Variants in PDE4D observed in about 807,000 individuals in gnomAD.
PDE4D encodes the protein phosphodiesterase 4D, also known as 3',5'-cyclic-AMP phosphodiesterase 4D.
Under a neutral mutation model 87.4 loss-of-function variants are expected in PDE4D, and 24 were observed. The observed-to-expected ratio is 0.27, with a 90% CI of 0.20 to 0.39. PDE4D has a LOEUF of 0.39. Among genes scored for constraint, PDE4D ranks in the 10% least tolerant of loss-of-function variants. PDE4D has a pLI of 1.00. For missense variants in PDE4D, 714 were observed against 1,041.0 expected, an observed-to-expected ratio of 0.69 and a Z score of 4.32; for synonymous variants, 384 against 383.2, an observed-to-expected ratio of 1.00 and a Z score of -0.02.
intron 1 of PDE4D, among the ~76,000 whole-genome samples, chr5:60,231,976 C>T (rs1331129116): frequency 3.3e-5 from 5 of 151,824 alleles, no homozygotes; most frequent in South Asian, 4.1e-4. Flanking sequence ...GGAGGGGGAC[C>T]GCCTTAGTCA....
At chr5:59,172,342 T>C (rs1783132759) in intron 5 of PDE4D, among the ~76,000 whole-genome samples, 1 of 134,140 alleles carries the variant, frequency 7.5e-6, no homozygotes, top group African/African-American at 2.8e-5. Flanking sequence ...TAATATATTA[T>C]ATATTATATA....
At chr5:60,109,625 T>C (rs1777454420) in intron 2 of PDE4D, among the ~76,000 whole-genome samples, 1 of 152,068 alleles carries the variant, frequency 6.6e-6, no homozygotes, top group African/African-American at 2.4e-5. Context: ...TGTCCAACAA[T>C]GATAGACTGG....
At position 59,534,541 on chromosome 5, in the gene PDE4D, T is replaced by G. The variant is rs146220936; in HGVS notation, c.456-318573A>C. On this transcript the variant is annotated intron_variant, in intron 1 of 14. Transcript: ENST00000340635. Reference sequence around the variant, plus strand: ...CTGGGTCTCAGGTGAGTGTCCAGGGTATACAGAATGGGGTTGAAGACTCTT... The same window carrying G: ...CTGGGTCTCAGGTGAGTGTCCAGGGGATACAGAATGGGGTTGAAGACTCTT... Among the ~76,000 whole-genome samples the G allele has an allele frequency of 4.9e-3, 752 of 152,178 alleles. 5 individuals are homozygous for G. Among genetic ancestry groups the G allele is most frequent in the African/African-American group, 0.017 (691 of 41,522 alleles).
intron 1 of PDE4D, among the ~76,000 whole-genome samples, chr5:60,519,804 C>A (rs982210443): frequency 6.6e-6 from 1 of 152,018 alleles, no homozygotes; most frequent in African/African-American, 2.4e-5. Flanking sequence ...TAGTTTCCTC[C>A]AACTTTTAAT....
At chr5:60,193,780 T>A (rs910362059) in intron 1 of PDE4D, among the ~76,000 whole-genome samples, 4 of 151,458 alleles carry the variant, frequency 2.6e-5, no homozygotes, top group Non-Finnish European at 5.9e-5. Flanking sequence ...TAGGGCTCTT[T>A]ACCTAGGTTT....
chr5:59,391,469 T>A (rs1414576262), intron 1 of PDE4D, among the ~76,000 whole-genome samples: 1 of 152,126 alleles, frequency 6.6e-6, no homozygotes, highest in Non-Finnish European at 1.5e-5. Flanking sequence ...CAAAGGATGA[T>A]GGTAGTGAGA....
intron 1 of PDE4D, among the ~76,000 whole-genome samples, chr5:59,636,690 T>G (rs1334002116): frequency 6.6e-6 from 1 of 152,214 alleles, no homozygotes; most frequent in African/African-American, 2.4e-5. Flanking sequence ...TTGGGAAAAC[T>G]GGCTAGCCAT....
Position 59,831,326 on chromosome 5 carries a change from C to CAAAAA in PDE4D, c.455+61837_455+61841dup, listed in dbSNP as rs35043596. On this transcript the variant is annotated intron_variant, in intron 1 of 14. Transcript: ENST00000340635. ...TGCCACAGAGGTCATAAATTATTCT[C>CAAAAA]AAAAAAAAAAAAAAAAAAAAACCGG... Among the ~76,000 whole-genome samples, 99 of 90,910 alleles carry CAAAAA rather than the reference C, an allele frequency of 1.1e-3. 1 individual carries two copies. The highest frequency in any genetic ancestry group is 1.2e-3 in the African/African-American group (26 of 21,172). The allele number at this position is 90,910 out of a possible 152,430, so 59.6% of individuals were successfully genotyped here.
At chr5:60,194,138 T>C (rs1242675928) in intron 1 of PDE4D, among the ~76,000 whole-genome samples, 1 of 151,488 alleles carries the variant, frequency 6.6e-6, no homozygotes, top group Admixed American at 6.6e-5. Flanking sequence ...AATCAAGCTA[T>C]TTGAAAAAAA....
At chr5:59,936,723 T>C (rs1047808953) in intron 3 of PDE4D, among the ~76,000 whole-genome samples, 3 of 152,204 alleles carry the variant, frequency 2.0e-5, no homozygotes, top group Non-Finnish European at 4.4e-5. Flanking sequence ...AAATAAATCA[T>C]GTTTAAGGGA....
intron 3 of PDE4D, among the ~76,000 whole-genome samples, chr5:59,956,075 C>T (rs758041319): frequency 2.0e-5 from 3 of 152,124 alleles, no homozygotes; most frequent in African/African-American, 4.8e-5. Context: ...GGCAATTGAT[C>T]GGATTCTGAA....
intron 1 of PDE4D, among the ~76,000 whole-genome samples, chr5:59,541,253 G>GT (rs1267156335): frequency 6.6e-6 from 1 of 152,186 alleles, no homozygotes; most frequent in Admixed American, 6.6e-5. Flanking sequence ...GGCTGTCTCT[G>GT]TAAGCATTAC....
At chr5:59,904,744 G>A (rs1244820915) in intron 3 of PDE4D, among the ~76,000 whole-genome samples, 1 of 152,120 alleles carries the variant, frequency 6.6e-6, no homozygotes, top group Admixed American at 6.6e-5. Context: ...GGTACCTGGG[G>A]AACACTCATA....
intron 1 of PDE4D, among the ~76,000 whole-genome samples, chr5:59,734,618 C>T (rs1366927524): frequency 6.6e-6 from 1 of 151,984 alleles, no homozygotes; most frequent in Non-Finnish European, 1.5e-5. Flanking sequence ...TATGAGAGAA[C>T]TGTCAAGAAG....
Position 60,125,664 on chromosome 5 carries a change from A to G in PDE4D, c.42+59893T>C, listed in dbSNP as rs7715386. 9.4e-3 allele frequency among the ~76,000 whole-genome samples: 1,431 copies of G among 152,278 alleles called. 17 individuals carry two copies. The highest frequency in any genetic ancestry group is 0.032 in the African/African-American group (1,325 of 41,554). ...ATAGATAGATAATTATTTATTACCT[A>G]TCTTTCAGAATGTAAGCTCTGTGAG... On this transcript the variant is annotated intron_variant, in intron 2 of 16. Transcript: ENST00000502484.
intron 1 of PDE4D, among the ~76,000 whole-genome samples, chr5:59,788,130 A>G (rs1765369073): frequency 6.6e-6 from 1 of 152,224 alleles, no homozygotes; most frequent in Admixed American, 6.5e-5. Flanking sequence ...GTATCTCTAT[A>G]AGATAGACAT....
chr5:59,034,928 T>C (rs925416792), intron 6 of PDE4D, among the ~76,000 whole-genome samples: 2 of 152,188 alleles, frequency 1.3e-5, no homozygotes, highest in African/African-American at 4.8e-5. Flanking sequence ...TAACTCAAAA[T>C]GATTTCGTTT....
chr5:60,430,998 C>G (rs374777450), intron 1 of PDE4D: 4 of 269,978 alleles, frequency 1.5e-5, no homozygotes, highest in African/African-American at 9.4e-5. Context: ...CACCTTTCCC[C>G]CCTTTCTATT....
chr5:59,668,910 AAGAAGAAG>A lies in PDE4D; in HGVS notation c.455+224250_455+224257del, dbSNP rs1412269242. On this transcript the variant is annotated intron_variant, in intron 1 of 14. Transcript: ENST00000340635. Reference sequence around the variant, plus strand: ...GAAGAAGAAGAAGAAGAAGAAGAAGAAGAAGAAGAAGAAAGAAAGAAAGAATTAGTTCA... The same window carrying A: ...GAAGAAGAAGAAGAAGAAGAAGAAGAAAGAAAGAAAGAAAGAATTAGTTCA... 3.2e-3 allele frequency among the ~76,000 whole-genome samples: 243 copies of A among 75,146 alleles called. 1 individual carries two copies. In the East Asian group the frequency reaches 0.05, roughly 15 times the overall value. 49.3% of individuals were successfully genotyped at this position (75,146 alleles called of 152,430 possible).
Sources: gnomAD v4.1 joint callset for allele counts (sites outside exome capture counted in the v4.1 genomes callset) on GRCh38, gnomAD v4.1.1 for gene constraint, MANE v1.5 for transcripts, NCBI Gene and HGNC (gene_info 2026-07-23, HGNC 2026-07-21) for gene names.